DENND2C: variants seen among roughly 807,000 people sequenced by gnomAD.
DENND2C encodes the protein DENN domain containing 2C, also known as DENN domain-containing protein 2C.
A neutral mutation model predicts 112.4 loss-of-function variants in DENND2C; 72 were observed. That is an observed-to-expected ratio of 0.64 (90% confidence interval 0.53 to 0.78). The LOEUF (loss-of-function observed/expected upper bound fraction) is 0.78, where lower values mean the gene tolerates loss of function less well. Among genes scored for constraint, DENND2C ranks in the 30% least tolerant of loss-of-function variants. The pLI is 0.00. For missense variants in DENND2C, 992 were observed against 1,113.8 expected, an observed-to-expected ratio of 0.89 and a Z score of 1.56; for synonymous variants, 329 against 381.6, an observed-to-expected ratio of 0.86 and a Z score of 1.61.
At chr1:114,593,511 G>T (rs781064097) in intron 18 of DENND2C, among the ~76,000 whole-genome samples, 1 of 152,188 alleles carries the variant, frequency 6.6e-6, no homozygotes, top group East Asian at 1.9e-4. Context: ...TAGGCCAGGT[G>T]TGGTGGCTCA....
intron 5 of DENND2C, 74 bp from the exon 6 acceptor site, chr1:114,623,173 AG>A: frequency 7.3e-7 from 1 of 1,374,176 alleles, no homozygotes; most frequent in Non-Finnish European, 9.9e-7. Flanking sequence ...GGCAAAAGAA[AG>A]AAAAAGCTAA....
chr1:114,614,640 G>C (rs764212046), intron 8 of DENND2C, among the ~76,000 whole-genome samples: 2 of 151,832 alleles, frequency 1.3e-5, no homozygotes, highest in Non-Finnish European at 2.9e-5. Context: ...TCAAAAACTT[G>C]TCTTAGAACC....
At chr1:114,604,509 G>A (rs1655605116) in intron 11 of DENND2C, among the ~76,000 whole-genome samples, 1 of 152,206 alleles carries the variant, frequency 6.6e-6, no homozygotes, top group Non-Finnish European at 1.5e-5. Flanking sequence ...AAGCTGGGCT[G>A]TGGATTATTC....
chr1:114,600,494 G>A lies in DENND2C; in HGVS notation c.1957-142C>T, dbSNP rs1655471425. ...GGTCTGTGAAGCTTCCTATACTAAT[G>A]CCAGGACCCAACAGCTTATTTTTGT... On this transcript the variant is annotated intron_variant, in intron 14 of 20. Coordinates refer to ENST00000393274, the MANE Select transcript of DENND2C (RefSeq NM_001256404.2). 4.8e-5 allele frequency: 53 copies of A among 1,094,552 alleles called. No homozygotes were observed. The South Asian group carries it at 8.1e-4, about 17-fold the overall frequency. 67.8% of individuals were successfully genotyped at this position (1,094,552 alleles called of 1,614,324 possible).
Position 114,618,421 on chromosome 1 carries a change from T to A in DENND2C, c.1289A>T (p.His430Leu). The change falls in exon 8 of 21, where the codon CAT becomes CTT. Residue 430 changes from histidine (H) to leucine (L), a missense_variant. By Grantham distance (99) the His-to-Leu change is moderately conservative. Transcript: ENST00000393274. ...AGGTAATTCCTTTCCAGTGTAAGAA[T>A]GTAACTTTACCTTCTTCTTCCCTCT... The part of the protein sequence containing the change: ...SKRGKKKVKL[H>L]SYTGKELPPT... 1 of 1,596,774 alleles carries A rather than the reference T, an allele frequency of 6.3e-7. No individual in the cohort carries two copies. Among genetic ancestry groups the A allele is most frequent in the Non-Finnish European group, 8.5e-7 (1 of 1,173,856 alleles).
At chr1:114,635,309 C>G (rs1378622951) in intron 3 of DENND2C, among the ~76,000 whole-genome samples, 1 of 151,552 alleles carries the variant, frequency 6.6e-6, no homozygotes, top group Non-Finnish European at 1.5e-5. Flanking sequence ...AGCATAAACC[C>G]AAAGAAACTG....
chr1:114,600,360 G>A lies in DENND2C; in HGVS notation c.1957-8C>T. 1 of 1,613,828 alleles carries A rather than the reference G, an allele frequency of 6.2e-7. No homozygotes were observed. The highest frequency in any genetic ancestry group is 8.5e-7 in the Non-Finnish European group (1 of 1,179,842). ...TCGGCAGAGTTCAATGGACTGAAAT[G>A]CAAGAAGTTGAATCAGGTGAGCTAA... is the stretch of plus-strand genomic sequence containing the variant. On this transcript the variant is annotated splice_region_variant and splice_polypyrimidine_tract_variant and intron_variant, in intron 14 of 20. Transcript: ENST00000393274.
rs1458975326 is a variant in DENND2C, at chr1:114,595,643, GCTATAAA to G, written c.2325+182_2325+188del. The G allele has an allele frequency of 5.5e-6, 3 of 544,758 alleles. No homozygotes were observed. The African/African-American group carries it at 5.7e-5, about 10-fold the overall frequency. 33.7% of individuals were successfully genotyped at this position (544,758 alleles called of 1,614,324 possible). A position where few individuals can be genotyped will look rare whatever the true frequency, so the allele number is the denominator to read the frequency against. On this transcript the variant is annotated intron_variant, in intron 17 of 20. Coordinates refer to ENST00000393274, the MANE Select transcript of DENND2C (RefSeq NM_001256404.2). ...CCTCCTTCCTCCTTTGGGATAGGCAGCTATAAACTGAAGCCAAATTTTTCAGGTCAAT... is the reference window on the plus strand; with the variant it reads ...CCTCCTTCCTCCTTTGGGATAGGCAGCTGAAGCCAAATTTTTCAGGTCAAT...
At chr1:114,594,651 T>G in intron 17 of DENND2C, 73 bp from the exon 18 acceptor site, 1 of 1,283,040 alleles carries the variant, frequency 7.8e-7, no homozygotes, top group Non-Finnish European at 1.1e-6. Context: ...TATGCCCTAG[T>G]TATTTCTCCA....
In DENND2C at chr1:114,584,687, TA is replaced by T. The variant is rs1164896442; in HGVS notation, c.*912del. 6.6e-6 allele frequency: 1 copy of T among 152,208 alleles called. No homozygotes were observed. Among genetic ancestry groups the T allele is most frequent in the Non-Finnish European group, 1.5e-5 (1 of 68,038 alleles). The allele number at this position is 152,208 out of a possible 1,614,324, so 9.4% of individuals were successfully genotyped here. ...ACAGTGCATGGCACATGGTGGACAC[TA>T]AAAAATAAAGGTGGCTCCCATGCCC... On this transcript the variant is annotated 3_prime_UTR_variant, in exon 21 of 21. Coordinates refer to ENST00000393274, the MANE Select transcript of DENND2C (RefSeq NM_001256404.2).
intron 1 of DENND2C, among the ~76,000 whole-genome samples, chr1:114,667,353 A>G (rs1174042891): frequency 6.6e-6 from 1 of 152,214 alleles, no homozygotes; most frequent in Non-Finnish European, 1.5e-5. Context: ...TTGGGTTATA[A>G]GCTTCTTAAA....
chr1:114,640,416 T>C (rs1386996376), intron 3 of DENND2C, among the ~76,000 whole-genome samples: 3 of 152,258 alleles, frequency 2.0e-5, no homozygotes, highest in Admixed American at 6.5e-5. Flanking sequence ...GGTATTTTTA[T>C]GTCCTTCTAC....
chr1:114,661,454 T>C (rs535206101), intron 1 of DENND2C, among the ~76,000 whole-genome samples: 1 of 152,360 alleles, frequency 6.6e-6, no homozygotes, highest in Non-Finnish European at 1.5e-5. Flanking sequence ...TCAGGAATGA[T>C]TCTTGAATAA....
chr1:114,625,948 G>A lies in DENND2C; in HGVS notation c.37C>T (p.Leu13=). ...VGFSRTTVQT[L]SRSHCKNIKQ... Reference sequence around the variant, plus strand: ...ATGTTTTTGCAGTGGCTTCTTGACAGTGTCTGAACAGTAGTACGAGAAAAA... The same window carrying A: ...ATGTTTTTGCAGTGGCTTCTTGACAATGTCTGAACAGTAGTACGAGAAAAA... The change falls in exon 4 of 21, where the codon CTG becomes TTG. Residue 13 remains leucine (L), a synonymous_variant. Coordinates refer to ENST00000393274, the MANE Select transcript of DENND2C (RefSeq NM_001256404.2). 1 of 1,613,696 alleles carries A rather than the reference G, an allele frequency of 6.2e-7. No homozygotes were observed. Among genetic ancestry groups the A allele is most frequent in the East Asian group, 2.2e-5 (1 of 44,860 alleles).
At chr1:114,635,649 A>G (rs114681050) in intron 3 of DENND2C, among the ~76,000 whole-genome samples, 1,730 of 152,330 alleles carry the variant, frequency 0.011, 27 homozygotes, top group African/African-American at 0.039. Context: ...TGGGCAAAAA[A>G]CTTAGAAAAG....
intron 9 of DENND2C, 38 bp downstream of exon 9, chr1:114,611,035 C>A (rs1019169631): frequency 6.2e-7 from 1 of 1,613,456 alleles, no homozygotes; most frequent in Admixed American, 1.7e-5. Flanking sequence ...AACCCATGAT[C>A]ATCACAACAA....
chr1:114,616,281 T>G (rs1655969653), intron 8 of DENND2C, among the ~76,000 whole-genome samples: 1 of 149,964 alleles, frequency 6.7e-6, no homozygotes, highest in Non-Finnish European at 1.5e-5. Context: ...ATCCCAAGCT[T>G]CTCAGGAGAA....
At chr1:114,592,339 A>C (rs1189041657) in intron 18 of DENND2C, among the ~76,000 whole-genome samples, 1 of 152,172 alleles carries the variant, frequency 6.6e-6, no homozygotes, top group African/African-American at 2.4e-5. Context: ...TATCTTTATA[A>C]TAATTTTTGA....
At chr1:114,635,002 T>C (rs181808950) in intron 3 of DENND2C, among the ~76,000 whole-genome samples, 26 of 138,092 alleles carry the variant, frequency 1.9e-4, no homozygotes, top group East Asian at 1.7e-3. Flanking sequence ...CACTCCAGCC[T>C]GAGTGATAGA....
Sources: allele counts gnomAD v4.1 joint callset (sites outside exome capture counted in the v4.1 genomes callset), GRCh38; gene constraint gnomAD v4.1.1; transcripts MANE v1.5; gene names NCBI Gene and HGNC (gene_info 2026-07-23, HGNC 2026-07-21).